IGSF10: variants seen among roughly 807,000 people sequenced by gnomAD.
The protein encoded by IGSF10 is immunoglobulin superfamily member 10.
A neutral mutation model predicts 128.2 loss-of-function variants in IGSF10; 126 were observed. The ratio of observed to expected loss-of-function variants is 0.98; its 90% CI spans 0.85 to 1.14. The LOEUF is 1.14. Among genes scored for constraint, IGSF10 ranks in the 50% most tolerant of loss-of-function variants. The pLI is 0.00. For synonymous variants in IGSF10, 1,185 were observed against 1,146.2 expected (o/e 1.03, Z -0.68); for missense variants, 3,295 against 3,149.8 (o/e 1.05, Z -1.10).
rs1721284921 is a variant in IGSF10, at chr3:151,447,770, A to G, written c.2211T>C (p.Phe737=). The G allele has an allele frequency of 6.2e-7, 1 of 1,611,722 alleles. No individual in the cohort carries two copies. The highest frequency in any genetic ancestry group is 1.3e-5 in the African/African-American group (1 of 74,902). ...GAGGGAAATGCCTCCTATTCTCCCT[A>G]AAACGTCGATGTGTTGAATCTCCAC... The part of the protein sequence containing the change: ...QRRGDSTHRR[F]RENRRHFPPS... The change falls in exon 6 of 8, where the codon TTT becomes TTC. Residue 737 remains phenylalanine (F), a synonymous_variant. Transcript: ENST00000282466.
the IGSF10 span, among the ~76,000 whole-genome samples, chr3:151,536,535 A>C: frequency 1.3e-5 from 2 of 152,140 alleles, no homozygotes; most frequent in African/African-American, 4.8e-5. Context: ...GACAGCTTTG[A>C]AAAGGGTCCA....
At chr3:151,548,124 C>T in the IGSF10 span, among the ~76,000 whole-genome samples, 7 of 152,216 alleles carry the variant, frequency 4.6e-5, no homozygotes, top group East Asian at 1.9e-4. Flanking sequence ...GGGGTAATTT[C>T]GAGGCTAGTT....
the IGSF10 span, among the ~76,000 whole-genome samples, chr3:151,507,785 G>T: frequency 5.7e-4 from 87 of 152,264 alleles, no homozygotes; most frequent in African/African-American, 2.0e-3. Flanking sequence ...TAAAATTCAA[G>T]ATGAGATTTG....
chr3:151,615,234 T>C, the IGSF10 span, among the ~76,000 whole-genome samples: 1 of 152,150 alleles, frequency 6.6e-6, no homozygotes, highest in Non-Finnish European at 1.5e-5. Flanking sequence ...GGTTTTTTTG[T>C]GAGTTATAGC....
the IGSF10 span, among the ~76,000 whole-genome samples, chr3:151,504,522 T>G: frequency 6.6e-6 from 1 of 152,242 alleles, no homozygotes; most frequent in Admixed American, 6.5e-5. Flanking sequence ...AAATATTGAC[T>G]GGAAGTCTAT....
the IGSF10 span, among the ~76,000 whole-genome samples, chr3:151,513,694 G>C: frequency 1.3e-5 from 2 of 152,214 alleles, no homozygotes; most frequent in Admixed American, 6.5e-5. Context: ...CCTGTTTGCA[G>C]ATGACATGAT....
chr3:151,432,787 C>T (rs1480418532), downstream of IGSF10: 1 of 1,613,248 alleles, frequency 6.2e-7, no homozygotes, highest in Non-Finnish European at 8.5e-7. Flanking sequence ...TCCGTATGGG[C>T]ATCCTTCACA....
the IGSF10 span, among the ~76,000 whole-genome samples, chr3:151,608,915 C>T: frequency 6.6e-6 from 1 of 152,164 alleles, no homozygotes; most frequent in African/African-American, 2.4e-5. Context: ...GCAATTACAA[C>T]CACCTGTAGA....
chr3:151,442,851 A>T, intron 7 of IGSF10, 133 bp downstream of exon 7: 1 of 614,712 alleles, frequency 1.6e-6, no homozygotes, highest in Non-Finnish European at 2.5e-6. Flanking sequence ...TTTTTGAGAG[A>T]GTTTCCTTTA....
the IGSF10 span, among the ~76,000 whole-genome samples, chr3:151,549,590 T>G: frequency 6.6e-6 from 1 of 152,236 alleles, no homozygotes; most frequent in African/African-American, 2.4e-5. Flanking sequence ...GCTTTGCTTC[T>G]GCTAAGTCAG....
chr3:151,559,987 A>C, the IGSF10 span, among the ~76,000 whole-genome samples: 1 of 152,092 alleles, frequency 6.6e-6, no homozygotes, highest in Non-Finnish European at 1.5e-5. Flanking sequence ...GTTTATGAGG[A>C]GATGGTGTAG....
At chr3:151,614,206 C>A in the IGSF10 span, among the ~76,000 whole-genome samples, 1 of 152,158 alleles carries the variant, frequency 6.6e-6, no homozygotes. Flanking sequence ...AATAGGAACA[C>A]TTTTACACTG....
the IGSF10 span, among the ~76,000 whole-genome samples, chr3:151,513,871 A>T: frequency 8.5e-5 from 13 of 152,326 alleles, 1 homozygote; most frequent in East Asian, 2.3e-3. Context: ...CCCATTCACA[A>T]TTGCCTCAAA....
chr3:151,512,640 CA>C, the IGSF10 span, among the ~76,000 whole-genome samples: 2 of 151,712 alleles, frequency 1.3e-5, no homozygotes, highest in African/African-American at 4.8e-5. Flanking sequence ...AATAGAGACA[CA>C]AAAAACCCTT....
chr3:151,466,217 G>A, the IGSF10 span, among the ~76,000 whole-genome samples: 5 of 152,006 alleles, frequency 3.3e-5, no homozygotes, highest in South Asian at 8.3e-4. Flanking sequence ...AAACTCTGGC[G>A]ACCCCCAGAA....
chr3:151,444,213 A>AT (rs1227844844), intron 6 of IGSF10, among the ~76,000 whole-genome samples: 2 of 151,990 alleles, frequency 1.3e-5, no homozygotes, highest in East Asian at 3.9e-4. Context: ...TGGAGACATG[A>AT]TTGTACCACT....
chr3:151,617,197 TTTCCTCCTCCTCCTCC>T, the IGSF10 span, among the ~76,000 whole-genome samples: 1 of 118,998 alleles, frequency 8.4e-6, no homozygotes, highest in Admixed American at 8.3e-5. Flanking sequence ...CTCCTCCTTC[TTTCCTCCTCCTCCTCC>T]TCTTCTTCCC....
rs749759395 is a variant in IGSF10, at chr3:151,446,173, C to T, written c.3808G>A (p.Ala1270Thr). 5.6e-6 allele frequency: 9 copies of T among 1,613,796 alleles called. No individual in the cohort carries two copies. Among genetic ancestry groups the T allele is most frequent in the African/African-American group, 1.3e-5 (1 of 74,850 alleles). Residue 1270 changes from alanine (A) to threonine (T), a missense_variant, in exon 6 of 8, where the codon GCT (alanine) becomes ACT (threonine). Ala to Thr is a moderately conservative substitution (Grantham distance 58). Transcript: ENST00000282466. Reference protein sequence around the residue: ...MQIPSNTLTTAHHTTTKTHNP... With the variant: ...MQIPSNTLTTTHHTTTKTHNP... ...TGTGTTTTGGTCGTAGTGTGGTGAG[C>T]GGTAGTCAAGGTATTAGATGGAATT...
the IGSF10 span, among the ~76,000 whole-genome samples, chr3:151,528,955 C>T: frequency 4.6e-5 from 7 of 151,792 alleles, no homozygotes; most frequent in Non-Finnish European, 7.4e-5. Context: ...GATCCACCGG[C>T]GTGAAATTCT....
Sources: allele counts gnomAD v4.1 joint callset (sites outside exome capture counted in the v4.1 genomes callset), GRCh38; gene constraint gnomAD v4.1.1; transcripts MANE v1.5; gene names NCBI Gene and HGNC (gene_info 2026-07-23, HGNC 2026-07-21).